Variants in LPAR5 observed in about 807,000 individuals in gnomAD.
LPAR5 encodes the protein G protein-coupled receptor 92.
For synonymous variants in LPAR5, 271 were observed against 261.6 expected (o/e 1.04, Z -0.35); for missense variants, 544 against 521.8 (o/e 1.04, Z -0.41).
chr12:6,629,260 C>T (rs1426741856), intron 1 of LPAR5, among the ~76,000 whole-genome samples: 1 of 151,408 alleles, frequency 6.6e-6, no homozygotes, highest in Non-Finnish European at 1.5e-5. Flanking sequence ...CCTGTAATCC[C>T]AGCTACTCGG....
Position 6,619,752 on chromosome 12 carries a change from G to A in LPAR5, c.*378C>T, listed in dbSNP as rs1948870776. Reference sequence around the variant, plus strand: ...TGTCCACCAAACCTGGTGCTCTTCAGCTCTCAGGCCCCTGTGGCGGTTTAG... The same window carrying A: ...TGTCCACCAAACCTGGTGCTCTTCAACTCTCAGGCCCCTGTGGCGGTTTAG... On this transcript the variant is annotated 3_prime_UTR_variant, in exon 2 of 2. Coordinates refer to ENST00000329858, the MANE Select transcript of LPAR5 (RefSeq NM_020400.6). The A allele has an allele frequency of 2.6e-6, 1 of 380,404 alleles. No individual in the cohort carries two copies. The highest frequency in any genetic ancestry group is 2.1e-5 in the South Asian group (1 of 48,206). 23.6% of individuals were successfully genotyped at this position (380,404 alleles called of 1,614,324 possible).
intron 1 of LPAR5, among the ~76,000 whole-genome samples, chr12:6,623,118 G>T (rs567044559): frequency 6.6e-6 from 1 of 151,794 alleles, no homozygotes; most frequent in African/African-American, 2.4e-5. Flanking sequence ...TGCACCTGTA[G>T]TCCCAGCTAC....
At chr12:6,623,285 G>A (rs945930211) in intron 1 of LPAR5, among the ~76,000 whole-genome samples, 2 of 151,150 alleles carry the variant, frequency 1.3e-5, no homozygotes, top group African/African-American at 4.9e-5. Flanking sequence ...TGTGATCTCA[G>A]CACTTTGGGA....
intron 1 of LPAR5, among the ~76,000 whole-genome samples, chr12:6,634,665 G>C (rs1157384939): frequency 6.6e-6 from 1 of 151,110 alleles, no homozygotes; most frequent in East Asian, 2.0e-4. Flanking sequence ...GCATGGTGGT[G>C]CCTGCCTGTA....
At chr12:6,635,816 T>C (rs533075279) in intron 1 of LPAR5, 91 bp downstream of exon 1, 192 of 152,476 alleles carry the variant, frequency 1.3e-3, no homozygotes, top group African/African-American at 4.2e-3. Context: ...ATGCCCACCC[T>C]CTTCTCTGTC....
Position 6,620,644 on chromosome 12 carries a change from A to T in LPAR5, c.605T>A (p.Leu202Gln). Residue 202 changes from leucine to glutamine, a missense_variant, in exon 2 of 2, where the codon CTG becomes CAG. Leu to Gln is a moderately radical substitution (Grantham distance 113). Coordinates refer to ENST00000329858, the MANE Select transcript of LPAR5 (RefSeq NM_020400.6). The surrounding 1 kb of genome is among the most constrained non-coding windows in gnomAD (Gnocchi z 6.8). ...VLLAEALGFL[L>Q]PLAAVVYSSG... ...CGAGTAGACCACCGCCGCCAGGGGC[A>T]GCAGGAAGCCCAGCGCCTCGGCCAG... The T allele has an allele frequency of 6.4e-7, 1 of 1,554,946 alleles. No homozygotes were observed. The highest frequency in any genetic ancestry group is 8.7e-7 in the Non-Finnish European group (1 of 1,149,862).
chr12:6,633,468 A>G (rs563313656), intron 1 of LPAR5, among the ~76,000 whole-genome samples: 1 of 151,388 alleles, frequency 6.6e-6, no homozygotes, highest in East Asian at 2.0e-4. Flanking sequence ...GCTGGAGTAC[A>G]GTGGTGCAAT....
intron 1 of LPAR5, among the ~76,000 whole-genome samples, chr12:6,635,214 C>T (rs1430665674): frequency 6.6e-6 from 1 of 152,152 alleles, no homozygotes; most frequent in Non-Finnish European, 1.5e-5. Flanking sequence ...AGGCCCCATC[C>T]TCATGGTGTG....
chr12:6,630,833 C>G (rs1948976517), intron 1 of LPAR5, among the ~76,000 whole-genome samples: 1 of 152,240 alleles, frequency 6.6e-6, no homozygotes, highest in Non-Finnish European at 1.5e-5. Flanking sequence ...AAGCTGAGCA[C>G]TGAGAGCTGC....
chr12:6,630,433 C>CTTTTTTTTTTTGTTTTTT (rs1948973828), intron 1 of LPAR5, among the ~76,000 whole-genome samples: 1 of 41,754 alleles, frequency 2.4e-5, no homozygotes, highest in Non-Finnish European at 4.4e-5. Flanking sequence ...CCCAGCCCAT[C>CTTTTTTTTTTTGTTTTTT]TTTTTTTTTT....
intron 1 of LPAR5, among the ~76,000 whole-genome samples, chr12:6,630,840 C>T (rs933561237): frequency 6.6e-6 from 1 of 152,214 alleles, no homozygotes; most frequent in South Asian, 2.1e-4. Flanking sequence ...GCACTGAGAG[C>T]TGCCAGGCCC....
intron 1 of LPAR5, among the ~76,000 whole-genome samples, chr12:6,625,565 C>CA (rs1287720775): frequency 2.0e-5 from 3 of 147,424 alleles, no homozygotes; most frequent in East Asian, 2.0e-4. Context: ...ACTGAAAATA[C>CA]AAAAAAATTT....
In LPAR5 at chr12:6,621,014, G is replaced by C. The variant is rs375862921; in HGVS notation, c.235C>G (p.Leu79Val). ...CAGTGGTGCAGTGCGTAGTAGGAGA[G>C]ACGAACGGGCAGCGAGAGGGTGAAG... ...LLFTLSLPVR[L>V]SYYALHHWPF... Residue 79 changes from leucine (L) to valine (V), a missense_variant, in exon 2 of 2, where the codon CTC (leucine) becomes GTC (valine). Transcript: ENST00000329858. 3 of 1,612,206 alleles carry C rather than the reference G, an allele frequency of 1.9e-6. No homozygotes were observed. Among genetic ancestry groups the C allele is most frequent in the Non-Finnish European group, 2.5e-6 (3 of 1,179,048 alleles).
chr12:6,622,649 G>A (rs1252656206), intron 1 of LPAR5, among the ~76,000 whole-genome samples: 1 of 151,392 alleles, frequency 6.6e-6, no homozygotes, highest in Non-Finnish European at 1.5e-5. Context: ...TACTCAGGAG[G>A]CTGAGGCAGG....
chr12:6,621,729 G>A (rs1948897282), intron 1 of LPAR5, among the ~76,000 whole-genome samples: 1 of 152,226 alleles, frequency 6.6e-6, no homozygotes, highest in South Asian at 2.1e-4. Context: ...GGGTGCAATG[G>A]CTTACACCTG....
intron 1 of LPAR5, among the ~76,000 whole-genome samples, chr12:6,626,267 T>TC (rs1339929535): frequency 2.6e-5 from 4 of 151,984 alleles, no homozygotes; most frequent in Non-Finnish European, 4.4e-5. Context: ...AGAGCAAGAC[T>TC]CCATCTCAAA....
chr12:6,623,426 C>T (rs1209198708), intron 1 of LPAR5, among the ~76,000 whole-genome samples: 1 of 151,744 alleles, frequency 6.6e-6, no homozygotes, highest in Non-Finnish European at 1.5e-5. Context: ...CCCAGCTCCT[C>T]AGTAGGCTAA....
intron 1 of LPAR5, among the ~76,000 whole-genome samples, chr12:6,628,821 G>A (rs1948963437): frequency 1.3e-5 from 2 of 151,884 alleles, no homozygotes; most frequent in Non-Finnish European, 2.9e-5. Context: ...TAGTAGAGAT[G>A]GGGTTTCTCC....
intron 1 of LPAR5, among the ~76,000 whole-genome samples, chr12:6,623,499 A>G (rs1592298220): frequency 6.6e-6 from 1 of 151,692 alleles, no homozygotes; most frequent in Non-Finnish European, 1.5e-5. Context: ...ACGCCACTGC[A>G]CTCCAGCCTG....
Sources: allele counts gnomAD v4.1 joint callset (sites outside exome capture counted in the v4.1 genomes callset), GRCh38; gene constraint gnomAD v4.1.1; non-coding constraint Gnocchi (gnomAD v3.1); transcripts MANE v1.5; gene names NCBI Gene and HGNC (gene_info 2026-07-23, HGNC 2026-07-21).